Variants in TEKT1 observed in about 807,000 individuals in gnomAD.
TEKT1 encodes the protein tektin-1.
Under a neutral mutation model 34.8 loss-of-function variants are expected in TEKT1, and 32 were observed. The observed-to-expected ratio is 0.92, with a 90% CI of 0.69 to 1.23. TEKT1 has a LOEUF of 1.23. Ranked by LOEUF, TEKT1 falls within the 50% of genes most tolerant of loss-of-function variation. TEKT1 has a pLI of 0.00. For missense variants in TEKT1, 492 were observed against 518.5 expected (o/e 0.95, Z 0.50); for synonymous variants, 207 against 199.8 (o/e 1.04, Z -0.30).
At chr17:6,801,445 C>G (rs1019411626) in intron 6 of TEKT1, among the ~76,000 whole-genome samples, 2 of 152,146 alleles carry the variant, frequency 1.3e-5, no homozygotes, top group Non-Finnish European at 2.9e-5. Context: ...TGTGGTGGCT[C>G]ACAGCTGTAA....
rs1976763100 is a variant in TEKT1 at position 6,800,943 on chromosome 17, C to A, written c.853G>T (p.Val285Phe). Residue 285 changes from valine (V) to phenylalanine (F), a missense_variant and splice_region_variant, in exon 7 of 8, where the codon GTC becomes TTC. Physicochemically the swap from Val to Phe is conservative, Grantham distance 50. Coordinates refer to ENST00000338694, the MANE Select transcript of TEKT1 (RefSeq NM_053285.2). The part of the protein sequence containing the change: ...RDKLADHLAK[V>F]MEEIASQEKN... ...TCCTGGGAAGCAATCTCTTCCATGA[C>A]CTTACAAAAAGGATTAGAGTAGGTG... 6.2e-7 allele frequency: 1 copy of A among 1,610,828 alleles called. No homozygotes were observed. The highest frequency in any genetic ancestry group is 8.5e-7 in the Non-Finnish European group (1 of 1,178,514).
intron 6 of TEKT1, among the ~76,000 whole-genome samples, chr17:6,807,908 G>A (rs113273046): frequency 1.4e-4 from 22 of 152,272 alleles, no homozygotes; most frequent in African/African-American, 3.6e-4. Flanking sequence ...TAGGCTACTC[G>A]GGGGTCAGGG....
intron 2 of TEKT1, among the ~76,000 whole-genome samples, chr17:6,828,537 C>CA (rs1292125868): frequency 1.3e-5 from 2 of 152,168 alleles, no homozygotes; most frequent in Non-Finnish European, 2.9e-5. Flanking sequence ...ATCGGACAAT[C>CA]AGGCAACACT....
intron 5 of TEKT1, 97 bp from the exon 6 acceptor site, chr17:6,813,150 C>T: frequency 2.0e-6 from 2 of 996,462 alleles, no homozygotes; most frequent in Non-Finnish European, 3.0e-6. Flanking sequence ...ATAAGAACCA[C>T]CTAGAATGTT....
chr17:6,815,573 C>T (rs1036415576), intron 4 of TEKT1, among the ~76,000 whole-genome samples: 6 of 152,182 alleles, frequency 3.9e-5, no homozygotes, highest in African/African-American at 1.4e-4. Context: ...GAGGGGTCAG[C>T]CTCACCAGTG....
At chr17:6,813,135 C>A in intron 5 of TEKT1, 82 bp from the exon 6 acceptor site, 1 of 1,168,144 alleles carries the variant, frequency 8.6e-7, no homozygotes, top group East Asian at 2.5e-5. Flanking sequence ...CTACACCTTC[C>A]CCTCATAAGA....
At chr17:6,818,831 C>T (rs753655497) in intron 3 of TEKT1, among the ~76,000 whole-genome samples, 4 of 152,160 alleles carry the variant, frequency 2.6e-5, no homozygotes, top group Non-Finnish European at 4.4e-5. Context: ...AAGCCTGGAA[C>T]CCTAAAACTG....
intron 2 of TEKT1, among the ~76,000 whole-genome samples, chr17:6,826,991 G>T (rs937555236): frequency 6.6e-6 from 1 of 152,132 alleles, no homozygotes; most frequent in African/African-American, 2.4e-5. Context: ...CACGGCGCCT[G>T]GCCAAGATAT....
chr17:6,825,669 T>C (rs1185843708), intron 2 of TEKT1, among the ~76,000 whole-genome samples: 2 of 152,246 alleles, frequency 1.3e-5, no homozygotes, highest in African/African-American at 4.8e-5. Context: ...TATAGATTCA[T>C]TTTTCATTTT....
intron 2 of TEKT1, among the ~76,000 whole-genome samples, chr17:6,824,886 A>G (rs745876944): frequency 2.6e-5 from 4 of 152,230 alleles, no homozygotes; most frequent in Non-Finnish European, 5.9e-5. Flanking sequence ...CTAGGTGGCA[A>G]TATATAGCAA....
At chr17:6,806,136 T>C (rs1294607071) in intron 6 of TEKT1, among the ~76,000 whole-genome samples, 1 of 152,232 alleles carries the variant, frequency 6.6e-6, no homozygotes, top group African/African-American at 2.4e-5. Flanking sequence ...ACTTGCTTTA[T>C]GAATCTGGGT....
intron 6 of TEKT1, among the ~76,000 whole-genome samples, chr17:6,802,269 G>T (rs1976784349): frequency 6.6e-6 from 1 of 152,146 alleles, no homozygotes; most frequent in African/African-American, 2.4e-5. Flanking sequence ...CCGGTTCACA[G>T]ATATACTATT....
chr17:6,802,260 C>T (rs1285251257), intron 6 of TEKT1, among the ~76,000 whole-genome samples: 1 of 152,042 alleles, frequency 6.6e-6, no homozygotes, highest in Non-Finnish European at 1.5e-5. Context: ...TTCATAAGTC[C>T]GGTTCACAGA....
In TEKT1 at chr17:6,819,337, T is replaced by C; in HGVS notation, c.212A>G (p.Gln71Arg). 4 of 1,613,832 alleles carry C rather than the reference T, an allele frequency of 2.5e-6. No individual in the cohort carries two copies. Among genetic ancestry groups the C allele is most frequent in the Non-Finnish European group, 3.4e-6 (4 of 1,179,848 alleles). ...GTCATCTAACTCCTTCTTCCAGAAC[T>C]GGACTTCCTCGAGTCTCTGTTCTGA... ...KKLEQRLEEVQFWKKELDDKL... is the reference protein window; with the variant it reads ...KKLEQRLEEVRFWKKELDDKL... The change falls in exon 3 of 8, where the codon CAG (glutamine) becomes CGG (arginine). Residue 71 changes from glutamine (Q) to arginine (R), a missense_variant. Transcript: ENST00000338694.
intron 6 of TEKT1, among the ~76,000 whole-genome samples, chr17:6,803,269 G>A (rs1340971503): frequency 6.6e-6 from 1 of 152,170 alleles, no homozygotes; most frequent in Non-Finnish European, 1.5e-5. Context: ...TTTGAGAAGT[G>A]TCTGTTCATA....
Position 6,800,825 on chromosome 17 carries a change from G to C in TEKT1, c.971C>G (p.Pro324Arg). 1 of 1,614,118 alleles carries C rather than the reference G, an allele frequency of 6.2e-7. No individual in the cohort carries two copies. The change falls in exon 7 of 8, where the codon CCG (proline) becomes CGG (arginine). Residue 324 changes from proline (P) to arginine (R), a missense_variant. By Grantham distance (103) the Pro-to-Arg change is moderately radical. Transcript: ENST00000338694. ...HTRLETRTHR[P>R]NVELCRDVAQ... is the part of the protein sequence containing the mutation. Reference sequence around the variant, plus strand: ...GACATCACGACACAGCTCCACGTTCGGCCGGTGTGTCCTGGTCTCCAAGCG... The same window carrying C: ...GACATCACGACACAGCTCCACGTTCCGCCGGTGTGTCCTGGTCTCCAAGCG...
At position 6,798,438 on chromosome 17, in the gene TEKT1, C is replaced by A. The variant is rs1407082336; in HGVS notation, c.*1589G>T. 4 of 152,210 alleles carry A rather than the reference C, an allele frequency of 2.6e-5. No homozygotes were observed. The highest frequency in any genetic ancestry group is 9.7e-5 in the African/African-American group (4 of 41,432). The allele number at this position is 152,210 out of a possible 1,614,324, so 9.4% of individuals were successfully genotyped here. On this transcript the variant is annotated 3_prime_UTR_variant, in exon 8 of 8. Transcript: ENST00000338694. ...AGTTAGCAGAAACTCTGAGGTCTGC[C>A]CAGTGAGCTGGGAAGGCTTATTTGG... is the stretch of plus-strand genomic sequence containing the variant.
intron 3 of TEKT1, among the ~76,000 whole-genome samples, chr17:6,818,009 G>A (rs1002994830): frequency 2.0e-5 from 3 of 152,058 alleles, no homozygotes; most frequent in African/African-American, 4.8e-5. Context: ...TTCCTGCAAC[G>A]GGTCCTGTTT....
In TEKT1 at chr17:6,830,262, C is replaced by T. The variant is rs748608571; in HGVS notation, c.115G>A (p.Ala39Thr). 147 of 1,613,078 alleles carry T rather than the reference C, an allele frequency of 9.1e-5. 1 individual carries two copies. In the East Asian group the frequency reaches 1.3e-3, roughly 14 times the overall value. ...AQRSRSERLV[A>T]ESQRLVDEIE... ...TCATCCACAAGCCTCTGGCTTTCTG[C>T]GACCAGGCGTTCTGATCGGGACCTT... Residue 39 changes from alanine to threonine, a missense_variant, in exon 2 of 8, where the codon GCA becomes ACA. Ala to Thr is a moderately conservative substitution (Grantham distance 58, BLOSUM62 0). Coordinates refer to ENST00000338694, the MANE Select transcript of TEKT1 (RefSeq NM_053285.2).
Sources: allele counts gnomAD v4.1 joint callset (sites outside exome capture counted in the v4.1 genomes callset), GRCh38; gene constraint gnomAD v4.1.1; transcripts MANE v1.5; gene names NCBI Gene and HGNC (gene_info 2026-07-23, HGNC 2026-07-21).